ASTN2: variants seen among roughly 807,000 people sequenced by gnomAD.
The protein encoded by ASTN2 is astrotactin-2.
A neutral mutation model predicts 139.8 loss-of-function variants in ASTN2; 54 were observed. The ratio of observed to expected loss-of-function variants is 0.39; its 90% CI spans 0.31 to 0.48. The LOEUF is 0.48. ASTN2 is among the 20% of genes least tolerant of loss of function. The pLI, the probability that ASTN2 is intolerant of heterozygous loss-of-function variation, is 0.95. For synonymous variants in ASTN2, 756 were observed against 719.5 expected, an observed-to-expected ratio of 1.05 and a Z score of -0.81; for missense variants, 1,565 against 1,725.1, an observed-to-expected ratio of 0.91 and a Z score of 1.64.
chr9:116,586,663 C>T (rs12341354), intron 19 of ASTN2, among the ~76,000 whole-genome samples: 2 of 151,774 alleles, frequency 1.3e-5, no homozygotes, highest in East Asian at 3.9e-4. Flanking sequence ...GGGAGAGATC[C>T]GGCTCAAAAA....
chr9:117,042,286 A>C (rs1838601213), intron 5 of ASTN2, among the ~76,000 whole-genome samples: 1 of 152,192 alleles, frequency 6.6e-6, no homozygotes, highest in Non-Finnish European at 1.5e-5. Flanking sequence ...TTTTCTTAAT[A>C]AACAGTGACC....
chr9:116,864,309 C>T (rs1423061173), intron 10 of ASTN2, among the ~76,000 whole-genome samples: 7 of 152,128 alleles, frequency 4.6e-5, no homozygotes, highest in Non-Finnish European at 1.0e-4. Context: ...GACACAAACG[C>T]AGGAGTCTGA....
intron 21 of ASTN2, 125 bp from the exon 22 acceptor site, chr9:116,440,917 C>T (rs1157130153): frequency 9.7e-6 from 9 of 923,450 alleles, no homozygotes; most frequent in Non-Finnish European, 1.5e-5. Flanking sequence ...TGGGAGCAGA[C>T]AAACCTTAAT....
intron 5 of ASTN2, among the ~76,000 whole-genome samples, chr9:117,060,390 GAAAGAAAGAAAGAAAGAAA>G (rs1839223341): frequency 4.1e-5 from 3 of 73,702 alleles, no homozygotes; most frequent in South Asian, 4.6e-4. Flanking sequence ...AAGAAAGAAA[GAAAGAAAGAAAGAAAGAAA>G]GAAGGAAAGG....
Position 117,174,656 on chromosome 9 carries a change from C to T in ASTN2, c.1016-33178G>A, listed in dbSNP as rs553903336. Among the ~76,000 whole-genome samples the T allele has an allele frequency of 1.3e-4, 19 of 151,928 alleles. No homozygotes were observed. In the East Asian group the frequency reaches 1.5e-3, roughly 12 times the overall value. On this transcript the variant is annotated intron_variant, in intron 3 of 22. Coordinates refer to ENST00000313400, the MANE Select transcript of ASTN2 (RefSeq NM_001365068.1). The stretch of plus-strand genomic sequence containing the variant: ...CGTAAGGATAGTTTACTAATAGAAA[C>T]GACAGTAATACACTACACAATCAGG...
intron 3 of ASTN2, among the ~76,000 whole-genome samples, chr9:117,191,795 T>C (rs1219948931): frequency 6.6e-6 from 1 of 152,174 alleles, no homozygotes; most frequent in Non-Finnish European, 1.5e-5. Flanking sequence ...TTACCAAACC[T>C]CCTTCAACCT....
chr9:116,846,612 C>T (rs939750953), intron 11 of ASTN2, among the ~76,000 whole-genome samples: 3 of 152,152 alleles, frequency 2.0e-5, no homozygotes, highest in East Asian at 3.9e-4. Flanking sequence ...GGCTACTTTT[C>T]CCATTAGAGG....
intron 16 of ASTN2, among the ~76,000 whole-genome samples, chr9:116,674,271 C>G (rs1859370589): frequency 6.6e-6 from 1 of 152,184 alleles, no homozygotes; most frequent in African/African-American, 2.4e-5. Context: ...CCCACAGACC[C>G]CAGCTGCATG....
At chr9:117,115,635 C>A (rs1829365089) in intron 4 of ASTN2, among the ~76,000 whole-genome samples, 1 of 152,180 alleles carries the variant, frequency 6.6e-6, no homozygotes, top group Non-Finnish European at 1.5e-5. Context: ...GCTGTAGTTT[C>A]ATTTATTCAA....
intron 7 of ASTN2, among the ~76,000 whole-genome samples, chr9:116,993,868 A>ATTT (rs1190781363): frequency 5.7e-5 from 8 of 141,298 alleles, no homozygotes; most frequent in African/African-American, 2.1e-4. Flanking sequence ...ATATATATAT[A>ATTT]TATATATATT....
chr9:117,045,071 A>G (rs1838692000), intron 5 of ASTN2, among the ~76,000 whole-genome samples: 1 of 152,108 alleles, frequency 6.6e-6, no homozygotes, highest in African/African-American at 2.4e-5. Context: ...CTCATGTAGA[A>G]AGTGTGGCCT....
At chr9:116,561,823 GC>G (rs1427601149) in intron 19 of ASTN2, among the ~76,000 whole-genome samples, 3 of 152,244 alleles carry the variant, frequency 2.0e-5, no homozygotes, top group African/African-American at 7.2e-5. Flanking sequence ...AAGAAGGAAA[GC>G]CATGTCTTTG....
chr9:116,477,328 G>A (rs142561782), intron 20 of ASTN2, among the ~76,000 whole-genome samples: 1 of 152,154 alleles, frequency 6.6e-6, no homozygotes, highest in Non-Finnish European at 1.5e-5. Context: ...AGGTCAGTAC[G>A]ACCTGATGTT....
intron 10 of ASTN2, among the ~76,000 whole-genome samples, 162 bp from the exon 11 acceptor site, chr9:116,863,895 A>G (rs1832956190): frequency 1.3e-5 from 2 of 152,242 alleles, no homozygotes; most frequent in East Asian, 1.9e-4. Flanking sequence ...GTATACCATC[A>G]TATGACACGG....
intron 1 of ASTN2, among the ~76,000 whole-genome samples, chr9:117,366,136 T>C (rs1313086331): frequency 1.3e-5 from 2 of 152,174 alleles, no homozygotes; most frequent in Non-Finnish European, 2.9e-5. Context: ...ACTCACTGTG[T>C]GTTTATTGAA....
intron 11 of ASTN2, among the ~76,000 whole-genome samples, chr9:116,862,644 A>G (rs1270608223): frequency 2.0e-5 from 3 of 152,176 alleles, no homozygotes; most frequent in Non-Finnish European, 4.4e-5. Context: ...CCATCTAATC[A>G]GCTCCATTAG....
chr9:117,374,656 T>A (rs778594046), intron 1 of ASTN2, among the ~76,000 whole-genome samples: 1 of 152,154 alleles, frequency 6.6e-6, no homozygotes, highest in Non-Finnish European at 1.5e-5. Flanking sequence ...CCTTGCAATG[T>A]CATTTTATTA....
chr9:117,133,764 G>A (rs552064981), intron 4 of ASTN2, among the ~76,000 whole-genome samples: 27 of 152,158 alleles, frequency 1.8e-4, no homozygotes, highest in Non-Finnish European at 3.5e-4. Context: ...GGAAAAATTT[G>A]AAAATTCTTC....
At chr9:116,657,405 A>G (rs1052516930) in intron 16 of ASTN2, among the ~76,000 whole-genome samples, 3 of 152,224 alleles carry the variant, frequency 2.0e-5, no homozygotes, top group African/African-American at 4.8e-5. Flanking sequence ...GTTACATGAC[A>G]TTAAAATTGA....
Sources: gnomAD v4.1 joint callset for allele counts (sites outside exome capture counted in the v4.1 genomes callset) on GRCh38, gnomAD v4.1.1 for gene constraint, MANE v1.5 for transcripts, NCBI Gene and HGNC (gene_info 2026-07-23, HGNC 2026-07-21) for gene names.